RAB1B: variants seen among roughly 807,000 people sequenced by gnomAD.
RAB1B encodes the protein ras-related protein Rab-1B.
In RAB1B, 10 loss-of-function variants were observed where a neutral mutation model predicts 24.8. That is an observed-to-expected ratio of 0.40 (90% confidence interval 0.25 to 0.68). The LOEUF (loss-of-function observed/expected upper bound fraction) is 0.68, where lower values mean the gene tolerates loss of function less well. Among genes scored for constraint, RAB1B ranks in the 30% least tolerant of loss-of-function variants. The probability of loss-of-function intolerance (pLI) is 0.37; values close to 1 mark genes in which losing one functional copy is unlikely to be tolerated. For synonymous variants in RAB1B, 99 were observed against 111.7 expected (o/e 0.89, Z 0.72); for missense variants, 154 against 271.2 (o/e 0.57, Z 3.04).
rs1300265841 is a variant in RAB1B, at chr11:66,271,604, G to C, written c.15-193G>C. The C allele has an allele frequency of 6.0e-6, 3 of 500,818 alleles. No homozygotes were observed. The East Asian group carries it at 1.1e-4, about 18-fold the overall frequency. 31.0% of individuals were successfully genotyped at this position (500,818 alleles called of 1,614,324 possible). Reference sequence around the variant, plus strand: ...AAGATCACTTTGAGCCCGCAAGGTAGAGGCTGCAATGAGCCGTGATCACTT... The same window carrying C: ...AAGATCACTTTGAGCCCGCAAGGTACAGGCTGCAATGAGCCGTGATCACTT... On this transcript the variant is annotated intron_variant, in intron 1 of 5. Coordinates refer to ENST00000311481, the MANE Select transcript of RAB1B (RefSeq NM_030981.3).
intron 1 of RAB1B, 103 bp downstream of exon 1, chr11:66,268,796 C>A: frequency 8.3e-7 from 1 of 1,209,732 alleles, no homozygotes; most frequent in Non-Finnish European, 1.1e-6. Flanking sequence ...GTGCGGCGCC[C>A]CCACATCCGG....
chr11:66,273,049 G>A (rs766839149), intron 4 of RAB1B, among the ~76,000 whole-genome samples: 2 of 152,222 alleles, frequency 1.3e-5, no homozygotes, highest in African/African-American at 2.4e-5. Context: ...CTGATGCTCA[G>A]AAGAGGTCTG....
chr11:66,276,208 T>C lies in RAB1B; in HGVS notation c.576T>C (p.Pro192=). 1 of 1,598,866 alleles carries C rather than the reference T, an allele frequency of 6.3e-7. No individual in the cohort carries two copies. The highest frequency in any genetic ancestry group is 8.5e-7 in the Non-Finnish European group (1 of 1,175,086). ...CCAATCTCAAGATCGACAGCACCCC[T>C]GTAAAGCCGGCTGGCGGTGGCTGTT... ...ERPNLKIDST[P]VKPAGGGCC Residue 192 remains proline (P), a synonymous_variant, in exon 6 of 6, where the codon CCT becomes CCC. Coordinates refer to ENST00000311481, the MANE Select transcript of RAB1B (RefSeq NM_030981.3).
At chr11:66,269,874 CTT>C (rs1345811011) in intron 1 of RAB1B, 5 of 145,480 alleles carry the variant, frequency 3.4e-5, no homozygotes, top group Non-Finnish European at 6.1e-5. Flanking sequence ...TACCTTTTGC[CTT>C]TTTTTTTTTT....
intron 4 of RAB1B, among the ~76,000 whole-genome samples, chr11:66,272,847 G>A (rs1285445746): frequency 1.3e-5 from 2 of 152,192 alleles, no homozygotes; most frequent in Non-Finnish European, 2.9e-5. Flanking sequence ...CAGTGCAGGG[G>A]GACAATTAGA....
At chr11:66,273,497 C>T (rs1857093218) in intron 4 of RAB1B, among the ~76,000 whole-genome samples, 1 of 152,210 alleles carries the variant, frequency 6.6e-6, no homozygotes, top group African/African-American at 2.4e-5. Flanking sequence ...CTGCAGCACT[C>T]GATTCTCTAT....
chr11:66,273,254 G>A (rs1857090002), intron 4 of RAB1B, among the ~76,000 whole-genome samples: 1 of 152,210 alleles, frequency 6.6e-6, no homozygotes, highest in African/African-American at 2.4e-5. Flanking sequence ...CCGTGGGCCG[G>A]GAAGAGTCCC....
intron 1 of RAB1B, among the ~76,000 whole-genome samples, chr11:66,269,255 C>T (rs1254989040): frequency 6.6e-6 from 1 of 152,140 alleles, no homozygotes; most frequent in African/African-American, 2.4e-5. Flanking sequence ...TACCCTTTGC[C>T]TGGGTCGCGC....
chr11:66,269,775 C>T (rs576589033), intron 1 of RAB1B: 6 of 152,316 alleles, frequency 3.9e-5, no homozygotes, highest in African/African-American at 1.2e-4. Flanking sequence ...CTTCATTGAA[C>T]TGTTGTGAAG....
chr11:66,269,185 G>T (rs1208162835), intron 1 of RAB1B, among the ~76,000 whole-genome samples: 1 of 152,058 alleles, frequency 6.6e-6, no homozygotes, highest in Admixed American at 6.5e-5. Context: ...CTACGCGGGA[G>T]GCCCCGAAGC....
chr11:66,276,002 C>T (rs766984550), intron 5 of RAB1B, 42 bp from the exon 6 acceptor site: 3 of 1,588,834 alleles, frequency 1.9e-6, no homozygotes, highest in Non-Finnish European at 8.6e-7. Flanking sequence ...CTGCTCTCCC[C>T]TCCTCTTCTC....
Position 66,276,217 on chromosome 11 carries a change from G to A in RAB1B, c.585G>A (p.Pro195=), listed in dbSNP as rs200992788. The A allele has an allele frequency of 3.8e-5, 61 of 1,590,850 alleles. 1 individual carries two copies. The Admixed American group carries it at 7.0e-4, about 18-fold the overall frequency. Reference sequence around the variant, plus strand: ...AGATCGACAGCACCCCTGTAAAGCCGGCTGGCGGTGGCTGTTGCTAGGAGG... The same window carrying A: ...AGATCGACAGCACCCCTGTAAAGCCAGCTGGCGGTGGCTGTTGCTAGGAGG... ...NLKIDSTPVK[P]AGGGCC Residue 195 remains proline (P), a synonymous_variant, in exon 6 of 6, where the codon CCG becomes CCA. Coordinates refer to ENST00000311481, the MANE Select transcript of RAB1B (RefSeq NM_030981.3).
chr11:66,270,471 T>C (rs1857038460), intron 1 of RAB1B: 1 of 152,228 alleles, frequency 6.6e-6, no homozygotes, highest in Non-Finnish European at 1.5e-5. Flanking sequence ...CCAGCCACTC[T>C]GGAGGGTGAG....
intron 4 of RAB1B, chr11:66,272,685 G>C (rs1438605116): frequency 1.4e-5 from 5 of 354,292 alleles, no homozygotes; most frequent in African/African-American, 1.0e-4. Context: ...AGGCCCTGCT[G>C]CAGGTTCTGG....
intron 1 of RAB1B, 62 bp from the exon 2 acceptor site, chr11:66,271,735 T>C: frequency 8.4e-7 from 1 of 1,193,086 alleles, no homozygotes; most frequent in Non-Finnish European, 1.3e-6. Context: ...TAATTGTGAC[T>C]CCAGGATGAT....
At chr11:66,271,937 C>A in intron 2 of RAB1B, 68 bp downstream of exon 2, 1 of 1,284,062 alleles carries the variant, frequency 7.8e-7, no homozygotes, top group Non-Finnish European at 1.1e-6. Flanking sequence ...GAAGGGACAA[C>A]ACAGAGCACA....
At position 66,271,818 on chromosome 11, in the gene RAB1B, T is replaced by G; in HGVS notation, c.36T>G (p.Leu12=). The G allele has an allele frequency of 1.2e-6, 2 of 1,614,136 alleles. No individual in the cohort carries two copies. Among genetic ancestry groups the G allele is most frequent in the South Asian group, 1.1e-5 (1 of 91,078 alleles). Residue 12 remains leucine, a synonymous_variant, in exon 2 of 6, where the codon CTT becomes CTG. Coordinates refer to ENST00000311481, the MANE Select transcript of RAB1B (RefSeq NM_030981.3). ...CCAGTGACTACCTGTTTAAGCTGCT[T>G]TTGATTGGCGACTCAGGCGTGGGCA... ...NPEYDYLFKL[L]LIGDSGVGKS...
At position 66,276,545 on chromosome 11, in the gene RAB1B, G is replaced by A. The variant is rs934560432; in HGVS notation, c.*307G>A. ...TCTTTGGAACGAGGGCTCTTCTGTC[G>A]GTGTCCCTCCCACCCCCATGTATGC... On this transcript the variant is annotated 3_prime_UTR_variant, in exon 6 of 6. Coordinates refer to ENST00000311481, the MANE Select transcript of RAB1B (RefSeq NM_030981.3). 2.3e-5 allele frequency: 8 copies of A among 354,824 alleles called. No individual in the cohort carries two copies. The highest frequency in any genetic ancestry group is 4.9e-5 in the South Asian group (1 of 20,238). 22.0% of individuals were successfully genotyped at this position (354,824 alleles called of 1,614,324 possible).
At chr11:66,271,476 A>G (rs1342429089) in intron 1 of RAB1B, 8 of 193,940 alleles carry the variant, frequency 4.1e-5, no homozygotes, top group African/African-American at 2.0e-4. Flanking sequence ...CAACAAGAGC[A>G]AAACTCAGTC....
Sources: allele counts gnomAD v4.1 joint callset (sites outside exome capture counted in the v4.1 genomes callset), GRCh38; gene constraint gnomAD v4.1.1; transcripts MANE v1.5; gene names NCBI Gene and HGNC (gene_info 2026-07-23, HGNC 2026-07-21).